Variants in PDZRN4 observed in about 807,000 individuals in gnomAD.
The protein encoded by PDZRN4 is PDZ domain containing ring finger 4.
In PDZRN4, 70 loss-of-function variants were observed where a neutral mutation model predicts 99.0. The observed-to-expected ratio is 0.71, with a 90% CI of 0.58 to 0.86. The LOEUF (loss-of-function observed/expected upper bound fraction) is 0.86. PDZRN4 is among the 40% of genes least tolerant of loss of function. The pLI is 0.00. For missense variants in PDZRN4, 1,474 were observed against 1,331.2 expected, an observed-to-expected ratio of 1.11 and a Z score of -1.67; for synonymous variants, 551 against 501.6, an observed-to-expected ratio of 1.10 and a Z score of -1.32.
chr12:41,232,854 G>A (rs916933127), intron 3 of PDZRN4, among the ~76,000 whole-genome samples: 1 of 152,142 alleles, frequency 6.6e-6, no homozygotes, highest in Non-Finnish European at 1.5e-5. Flanking sequence ...CGTATAAAGT[G>A]TAAGGAAGGG....
chr12:41,352,049 A>G (rs541479048), intron 3 of PDZRN4, among the ~76,000 whole-genome samples: 4 of 152,178 alleles, frequency 2.6e-5, no homozygotes, highest in African/African-American at 9.6e-5. Flanking sequence ...GCTGGGAAAT[A>G]AATAGCATGA....
At chr12:41,439,686 C>T (rs1488100231) in intron 3 of PDZRN4, among the ~76,000 whole-genome samples, 1 of 152,078 alleles carries the variant, frequency 6.6e-6, no homozygotes, top group East Asian at 1.9e-4. Context: ...ATAGATAAGC[C>T]ATGCTCTTTA....
rs759746694 is a variant in PDZRN4 at position 41,573,772 on chromosome 12, A to G, written c.2993A>G (p.Lys998Arg). Reference protein sequence around the residue: ...IELSHKKMMKKRNKKILDNWM... With the variant: ...IELSHKKMMKRRNKKILDNWM... ...CTGAGTCACAAAAAGATGATGAAAAAGAGAAACAAGAAAATTTTGGACAAC... is the reference window on the plus strand; with the variant it reads ...CTGAGTCACAAAAAGATGATGAAAAGGAGAAACAAGAAAATTTTGGACAAC... The change falls in exon 10 of 10, where the codon AAG (lysine) becomes AGG (arginine). Residue 998 changes from lysine (K) to arginine (R), a missense_variant. Coordinates refer to ENST00000402685, the MANE Select transcript of PDZRN4 (RefSeq NM_001164595.2). 9.9e-6 allele frequency: 16 copies of G among 1,613,770 alleles called. No individual in the cohort carries two copies. The highest frequency in any genetic ancestry group is 1.4e-5 in the Non-Finnish European group (16 of 1,179,936).
chr12:41,485,720 G>A (rs1159419055), intron 3 of PDZRN4, among the ~76,000 whole-genome samples: 1 of 152,062 alleles, frequency 6.6e-6, no homozygotes, highest in Non-Finnish European at 1.5e-5. Context: ...TAAACGATGA[G>A]TCATTCTTGT....
chr12:41,548,271 T>G (rs1292508229), intron 5 of PDZRN4, among the ~76,000 whole-genome samples: 1 of 152,240 alleles, frequency 6.6e-6, no homozygotes, highest in East Asian at 1.9e-4. Flanking sequence ...GCAATATTTT[T>G]ATAATAGACT....
At chr12:41,460,945 A>T (rs930106331) in intron 3 of PDZRN4, among the ~76,000 whole-genome samples, 2 of 152,160 alleles carry the variant, frequency 1.3e-5, no homozygotes, top group African/African-American at 4.8e-5. Context: ...GTTCCATCTG[A>T]TCCCTACATA....
chr12:41,532,190 C>T (rs933514983), intron 5 of PDZRN4, among the ~76,000 whole-genome samples: 36 of 152,028 alleles, frequency 2.4e-4, no homozygotes, highest in African/African-American at 8.2e-4. Flanking sequence ...CATTTTTCAC[C>T]TGGTATGTAG....
At chr12:41,493,239 G>A (rs1937924239) in intron 3 of PDZRN4, among the ~76,000 whole-genome samples, 1 of 152,130 alleles carries the variant, frequency 6.6e-6, no homozygotes, top group South Asian at 2.1e-4. Context: ...AAAATCATCG[G>A]AGATGCAAAG....
intron 5 of PDZRN4, among the ~76,000 whole-genome samples, chr12:41,525,572 GGAATATA>G (rs1938554550): frequency 6.6e-6 from 1 of 152,000 alleles, no homozygotes; most frequent in African/African-American, 2.4e-5. Flanking sequence ...TATAAATGAT[GGAATATA>G]GATATGTAAG....
chr12:41,491,745 C>T (rs1253091716), intron 3 of PDZRN4, among the ~76,000 whole-genome samples: 2 of 151,246 alleles, frequency 1.3e-5, no homozygotes, highest in African/African-American at 4.8e-5. Context: ...TTGGAAATTA[C>T]ACATTATATT....
intron 3 of PDZRN4, among the ~76,000 whole-genome samples, chr12:41,215,268 T>C (rs1388276972): frequency 6.6e-6 from 1 of 152,040 alleles, no homozygotes; most frequent in Non-Finnish European, 1.5e-5. Context: ...TCTCAGCATG[T>C]ATTAACTAAG....
chr12:41,509,295 G>GA (rs1938264091), intron 4 of PDZRN4, among the ~76,000 whole-genome samples: 1 of 152,062 alleles, frequency 6.6e-6, no homozygotes. Flanking sequence ...GAGAAAGGGG[G>GA]ATCTTAAGAA....
At chr12:41,432,890 G>T (rs1409423046) in intron 3 of PDZRN4, among the ~76,000 whole-genome samples, 1 of 152,112 alleles carries the variant, frequency 6.6e-6, no homozygotes, top group Non-Finnish European at 1.5e-5. Context: ...CTTTGCTGGA[G>T]CCTGAAAAAA....
chr12:41,511,150 G>A (rs949073288), intron 5 of PDZRN4, among the ~76,000 whole-genome samples: 6 of 151,942 alleles, frequency 3.9e-5, no homozygotes, highest in South Asian at 2.1e-4. Flanking sequence ...CTGGAATTAT[G>A]TAGATCACTT....
intron 3 of PDZRN4, among the ~76,000 whole-genome samples, chr12:41,404,238 G>C (rs557335912): frequency 6.6e-6 from 1 of 151,872 alleles, no homozygotes. Flanking sequence ...CCATGGATTC[G>C]GAAGACCAAC....
chr12:41,348,852 T>C (rs1238305021), intron 3 of PDZRN4, among the ~76,000 whole-genome samples: 1 of 152,042 alleles, frequency 6.6e-6, no homozygotes, highest in African/African-American at 2.4e-5. Context: ...TAAATTTCTA[T>C]TTGTCAAGTT....
intron 3 of PDZRN4, among the ~76,000 whole-genome samples, chr12:41,410,962 C>T (rs752388744): frequency 3.3e-5 from 5 of 151,946 alleles, no homozygotes; most frequent in Non-Finnish European, 7.4e-5. Flanking sequence ...GACTGCAGCC[C>T]ATACCTCCAA....
intron 8 of PDZRN4, among the ~76,000 whole-genome samples, chr12:41,565,795 G>A (rs1939359972): frequency 6.6e-6 from 1 of 152,094 alleles, no homozygotes; most frequent in Admixed American, 6.6e-5. Context: ...GGACACTGGG[G>A]CAGAGAGGAT....
intron 5 of PDZRN4, among the ~76,000 whole-genome samples, chr12:41,545,195 T>C (rs1238926335): frequency 6.6e-6 from 1 of 152,226 alleles, no homozygotes; most frequent in Non-Finnish European, 1.5e-5. Context: ...GTAGTCATCC[T>C]TCCGTGATCT....
Sources: gnomAD v4.1 joint callset for allele counts (sites outside exome capture counted in the v4.1 genomes callset) on GRCh38, gnomAD v4.1.1 for gene constraint, MANE v1.5 for transcripts, NCBI Gene and HGNC (gene_info 2026-07-23, HGNC 2026-07-21) for gene names.